BCL2L13: variants seen among roughly 807,000 people sequenced by gnomAD.
The protein encoded by BCL2L13 is bcl-2-like protein 13.
Under a neutral mutation model 25.8 loss-of-function variants are expected in BCL2L13, and 13 were observed. The observed-to-expected ratio is 0.50, with a 90% CI of 0.33 to 0.80. BCL2L13 has a LOEUF of 0.80. Among genes scored for constraint, BCL2L13 ranks in the 30% least tolerant of loss-of-function variants. The pLI, the probability that BCL2L13 is intolerant of heterozygous loss-of-function variation, is 0.02. For missense variants in BCL2L13, 504 were observed against 574.9 expected, an observed-to-expected ratio of 0.88 and a Z score of 1.26; for synonymous variants, 244 against 230.3, an observed-to-expected ratio of 1.06 and a Z score of -0.54.
At chr22:17,630,896 C>CT (rs1329639313) in intron 1 of BCL2L13, among the ~76,000 whole-genome samples, 1 of 151,372 alleles carries the variant, frequency 6.6e-6, no homozygotes. Flanking sequence ...CAGCCATAAC[C>CT]TTTTTTTAAT....
At chr22:17,688,946 T>A in intron 3 of BCL2L13, 40 bp from the exon 4 acceptor site, 2 of 1,583,410 alleles carry the variant, frequency 1.3e-6, no homozygotes, top group Non-Finnish European at 1.7e-6. Context: ...TTTATAGATA[T>A]TGTTTATTAT....
At chr22:17,717,903 A>G (rs1305093398) in intron 6 of BCL2L13, among the ~76,000 whole-genome samples, 1 of 152,212 alleles carries the variant, frequency 6.6e-6, no homozygotes, top group Non-Finnish European at 1.5e-5. Context: ...CCTGGGCAAC[A>G]TGGCAAAACA....
intron 2 of BCL2L13, among the ~76,000 whole-genome samples, chr22:17,669,126 A>G (rs1293887442): frequency 1.0e-4 from 14 of 134,608 alleles, no homozygotes; most frequent in Admixed American, 9.1e-4. Context: ...TCCGCCTCCC[A>G]GGTTCACGCC....
chr22:17,660,137 A>C (rs1050461578), intron 2 of BCL2L13, among the ~76,000 whole-genome samples: 2 of 146,220 alleles, frequency 1.4e-5, no homozygotes, highest in Admixed American at 1.4e-4. Flanking sequence ...GATTACAGGC[A>C]CGAGCCATGG....
intron 3 of BCL2L13, among the ~76,000 whole-genome samples, chr22:17,684,949 G>A (rs907292096): frequency 5.3e-5 from 8 of 152,038 alleles, no homozygotes; most frequent in Non-Finnish European, 7.4e-5. Flanking sequence ...AGCCAGGATG[G>A]TCTCGTTGAT....
intron 6 of BCL2L13, among the ~76,000 whole-genome samples, chr22:17,703,953 C>A (rs1005451200): frequency 3.3e-5 from 5 of 152,154 alleles, no homozygotes; most frequent in African/African-American, 1.2e-4. Context: ...CCCTTCTCAA[C>A]TTTCAGTTTT....
At chr22:17,690,199 G>T (rs569261664) in intron 4 of BCL2L13, among the ~76,000 whole-genome samples, 1 of 152,028 alleles carries the variant, frequency 6.6e-6, no homozygotes, top group Non-Finnish European at 1.5e-5. Flanking sequence ...GGTGGCAGGT[G>T]CCTATAATCC....
chr22:17,687,386 G>T lies in BCL2L13; in HGVS notation c.230-1600G>T, dbSNP rs138790446. 3.9e-3 allele frequency among the ~76,000 whole-genome samples: 599 copies of T among 152,228 alleles called. 4 individuals carry two copies. The highest frequency in any genetic ancestry group is 0.014 in the African/African-American group (580 of 41,542). ...AGACAGAGTCTCACTTTGTTGCCCAGGTTGGAGTGTAGTGTCATGATCAGG... is the reference window on the plus strand; with the variant it reads ...AGACAGAGTCTCACTTTGTTGCCCATGTTGGAGTGTAGTGTCATGATCAGG... On this transcript the variant is annotated intron_variant, in intron 3 of 6. Transcript: ENST00000317582.
At chr22:17,718,611 T>C (rs577214935) in intron 6 of BCL2L13, among the ~76,000 whole-genome samples, 64 of 152,318 alleles carry the variant, frequency 4.2e-4, no homozygotes, top group African/African-American at 1.5e-3. Flanking sequence ...TCCCGTAAGA[T>C]TATAGCAGTG....
intron 2 of BCL2L13, among the ~76,000 whole-genome samples, chr22:17,680,619 G>A (rs1164521810): frequency 1.3e-5 from 2 of 151,438 alleles, no homozygotes; most frequent in South Asian, 2.1e-4. Flanking sequence ...CTGGCTCTCC[G>A]AGGGGAGTGC....
chr22:17,643,057 C>G (rs926796839), intron 1 of BCL2L13, among the ~76,000 whole-genome samples: 6 of 152,302 alleles, frequency 3.9e-5, no homozygotes, highest in African/African-American at 7.2e-5. Flanking sequence ...GTCAGATTAT[C>G]TAGGACGGGA....
chr22:17,635,870 C>T (rs9604777), upstream of BCL2L13, among the ~76,000 whole-genome samples: 19,605 of 59,866 alleles, frequency 0.33, 1,296 homozygotes, highest in South Asian at 0.41. Flanking sequence ...CCACCATGCC[C>T]AGCTAATTTT....
At chr22:17,636,481 A>T (rs958481578), upstream of BCL2L13, among the ~76,000 whole-genome samples, 3 of 151,908 alleles carry the variant, frequency 2.0e-5, no homozygotes, top group African/African-American at 7.3e-5. Flanking sequence ...AACAGAAGCG[A>T]CACCTTGTCT....
At chr22:17,701,649 G>A (rs1393292469) in intron 5 of BCL2L13, among the ~76,000 whole-genome samples, 1 of 152,112 alleles carries the variant, frequency 6.6e-6, no homozygotes, top group Non-Finnish European at 1.5e-5. Flanking sequence ...CTTCAGGCTG[G>A]GCGTGGTGGC....
intron 1 of BCL2L13, among the ~76,000 whole-genome samples, chr22:17,653,204 C>T (rs953679539): frequency 2.6e-5 from 4 of 152,128 alleles, no homozygotes; most frequent in African/African-American, 7.2e-5. Context: ...TGTCTGTATA[C>T]CCTAAAGTGA....
rs1428081582 is a variant in BCL2L13, at chr22:17,662,810, C to CA, written c.121+6986dup. On this transcript the variant is annotated intron_variant, in intron 2 of 6. Transcript: ENST00000317582. ...CTCCTAGGCGACAGAGCGAGACTTT[C>CA]AAAAAAAATAAAAATAAAAATAAAA... 2.0e-5 allele frequency among the ~76,000 whole-genome samples: 3 copies of CA among 151,476 alleles called. No individual in the cohort carries two copies. The South Asian group carries it at 6.2e-4, about 32-fold the overall frequency.
intron 1 of BCL2L13, among the ~76,000 whole-genome samples, chr22:17,647,746 A>T (rs1051857427): frequency 6.6e-6 from 1 of 152,210 alleles, no homozygotes; most frequent in Non-Finnish European, 1.5e-5. Context: ...TTTTCATTCA[A>T]GTATAGAGGA....
At chr22:17,659,776 C>G (rs917258678) in intron 2 of BCL2L13, among the ~76,000 whole-genome samples, 3 of 139,378 alleles carry the variant, frequency 2.2e-5, no homozygotes, top group Non-Finnish European at 5.0e-5. Context: ...AATAATGATA[C>G]TCCACTACAG....
At chr22:17,677,846 C>T (rs759367484) in intron 2 of BCL2L13, among the ~76,000 whole-genome samples, 81 of 150,364 alleles carry the variant, frequency 5.4e-4, no homozygotes, top group Non-Finnish European at 8.3e-4. Flanking sequence ...CATGATCTGG[C>T]GACAGAGCGA....
Sources: gnomAD v4.1 joint callset for allele counts (sites outside exome capture counted in the v4.1 genomes callset) on GRCh38, gnomAD v4.1.1 for gene constraint, MANE v1.5 for transcripts, NCBI Gene and HGNC (gene_info 2026-07-23, HGNC 2026-07-21) for gene names.